Variants in LPO observed in about 807,000 individuals in gnomAD.
LPO encodes the protein salivary peroxidase.
In LPO, 70 loss-of-function variants were observed where a neutral mutation model predicts 68.4. That is an observed-to-expected ratio of 1.02 (90% CI 0.84 to 1.25). The LOEUF (loss-of-function observed/expected upper bound fraction) is 1.25, where lower values mean the gene tolerates loss of function less well. Ranked by LOEUF, LPO falls within the 50% of genes most tolerant of loss-of-function variation. LPO has a pLI of 0.00. For missense variants in LPO, 873 were observed against 908.4 expected, an observed-to-expected ratio of 0.96 and a Z score of 0.50; for synonymous variants, 360 against 357.6, an observed-to-expected ratio of 1.01 and a Z score of -0.08.
At chr17:58,247,916 C>T (rs8178320) in intron 4 of LPO, among the ~76,000 whole-genome samples, 3 of 152,164 alleles carry the variant, frequency 2.0e-5, no homozygotes, top group South Asian at 4.1e-4. Context: ...TGTATAACAC[C>T]GTCTGTAAGG....
chr17:58,260,069 T>A (rs1486096895), intron 9 of LPO, among the ~76,000 whole-genome samples: 2 of 152,238 alleles, frequency 1.3e-5, no homozygotes, highest in Non-Finnish European at 2.9e-5. Context: ...CACCTCAGCC[T>A]CCTGAAGTGC....
At chr17:58,262,696 T>C (rs8178390) in intron 9 of LPO, among the ~76,000 whole-genome samples, 12,287 of 152,280 alleles carry the variant, frequency 0.081, 498 homozygotes, top group Middle Eastern at 0.13. Flanking sequence ...CCCAGCCCTT[T>C]ACCATTACTT....
At chr17:58,250,297 C>T in intron 6 of LPO, 118 bp from the exon 7 acceptor site, 1 of 814,538 alleles carries the variant, frequency 1.2e-6, no homozygotes, top group South Asian at 1.5e-5. Context: ...CTCACAAACT[C>T]CTTGTAGGGA....
rs551224987 is a variant in LPO, at chr17:58,241,721, G to A, written c.-2-1257G>A. Among the ~76,000 whole-genome samples, 69 of 152,282 alleles carry A rather than the reference G, an allele frequency of 4.5e-4. 1 individual carries two copies. Among genetic ancestry groups the A allele is most frequent in the African/African-American group, 1.6e-3 (66 of 41,552 alleles). On this transcript the variant is annotated intron_variant, in intron 1 of 12. Transcript: ENST00000262290. ...ATTCATGCCTTGCCCCTTCTCTAGA[G>A]TTAGCTGGCAAAAAGTACAACAAGA...
At position 58,248,914 on chromosome 17, in the gene LPO, A is replaced by T. The variant is rs1256904636; in HGVS notation, c.326-146A>T. 1.8e-4 allele frequency: 130 copies of T among 717,320 alleles called. 5 individuals are homozygous for T. In the South Asian group the frequency reaches 2.0e-3, roughly 11 times the overall value. The allele number at this position is 717,320 out of a possible 1,614,324, so 44.4% of individuals were successfully genotyped here. A position where few individuals can be genotyped will look rare whatever the true frequency, so the allele number is the denominator to read the frequency against. On this transcript the variant is annotated intron_variant, in intron 4 of 12. Transcript: ENST00000262290. ...ATTACCTTAATGTGCTGTCAGATTA[A>T]TTGAGAAACCACTTGAGAAACGCTT...
intron 9 of LPO, among the ~76,000 whole-genome samples, chr17:58,259,183 C>T (rs747914250): frequency 1.3e-5 from 2 of 152,134 alleles, no homozygotes; most frequent in Non-Finnish European, 2.9e-5. Context: ...AGACTTTCTC[C>T]TGCTTTTTCC....
chr17:58,267,236 AG>A, intron 11 of LPO, 112 bp from the exon 12 acceptor site: 1 of 733,832 alleles, frequency 1.4e-6, no homozygotes, highest in Admixed American at 2.7e-5. Context: ...CCCATCCCAA[AG>A]GCTGTAAGCC....
intron 7 of LPO, 145 bp downstream of exon 7, chr17:58,250,766 C>A: frequency 1.3e-6 from 1 of 776,396 alleles, no homozygotes. Context: ...CATTCGTTCA[C>A]TCATCCGTTT....
At chr17:58,249,369 G>A (rs1969912646) in intron 5 of LPO, 192 bp downstream of exon 5, 1 of 954,002 alleles carries the variant, frequency 1.0e-6, no homozygotes, top group East Asian at 2.7e-5. Flanking sequence ...TGTGTCTCTG[G>A]AAGCGGCACC....
At chr17:58,239,089 G>T (rs891735686) in intron 1 of LPO, among the ~76,000 whole-genome samples, 1 of 151,934 alleles carries the variant, frequency 6.6e-6, no homozygotes, top group South Asian at 2.1e-4. Context: ...GGAATTTGGG[G>T]GAAAACAGTG....
In LPO at chr17:58,249,143, C is replaced by A; in HGVS notation, c.409C>A (p.Pro137Thr). Reference protein sequence around the residue: ...APVVRCDPCSPYRTITGDCNN... With the variant: ...APVVRCDPCSTYRTITGDCNN... ...CGTGGTGAGATGCGACCCGTGCAGC[C>A]CTTACCGCACCATTACGGGAGACTG... Residue 137 changes from proline (P) to threonine (T), a missense_variant, in exon 5 of 13, where the codon CCT becomes ACT. Physicochemically the swap from Pro to Thr is conservative, Grantham distance 38 (BLOSUM62 -1). Transcript: ENST00000262290. The A allele has an allele frequency of 6.2e-7, 1 of 1,614,194 alleles. No homozygotes were observed. The highest frequency in any genetic ancestry group is 8.5e-7 in the Non-Finnish European group (1 of 1,180,030).
chr17:58,241,967 T>C (rs1463886432), intron 1 of LPO, among the ~76,000 whole-genome samples: 2 of 152,092 alleles, frequency 1.3e-5, no homozygotes, highest in African/African-American at 4.8e-5. Flanking sequence ...TGGGGAGACA[T>C]GGCTGGGGGG....
At chr17:58,251,897 G>A in intron 7 of LPO, 2 of 683,872 alleles carry the variant, frequency 2.9e-6, no homozygotes, top group South Asian at 2.7e-5. Flanking sequence ...CTGCTTTCCT[G>A]TCCAGGGAGC....
At position 58,264,799 on chromosome 17, in the gene LPO, C is replaced by T; in HGVS notation, c.1344C>T (p.Tyr448=). 1 of 1,614,258 alleles carries T rather than the reference C, an allele frequency of 6.2e-7. No individual in the cohort carries two copies. Among genetic ancestry groups the T allele is most frequent in the South Asian group, 1.1e-5 (1 of 91,086 alleles). The change falls in exon 10 of 13, where the codon TAC becomes TAT. Residue 448 remains tyrosine (Y), a synonymous_variant. Transcript: ENST00000262290. Reference sequence around the variant, plus strand: ...AGTGGATACCCCCATATCAAGGCTACAGTGAATCTGTGGATCCCAGAATTT... The same window carrying T: ...AGTGGATACCCCCATATCAAGGCTATAGTGAATCTGTGGATCCCAGAATTT... ...MQKWIPPYQG[Y]SESVDPRISN...
Position 58,252,377 on chromosome 17 carries a change from C to A in LPO, c.976C>A (p.Pro326Thr), listed in dbSNP as rs1567819133. 1.9e-6 allele frequency: 3 copies of A among 1,614,072 alleles called. No individual in the cohort carries two copies. The highest frequency in any genetic ancestry group is 1.7e-6 in the Non-Finnish European group (2 of 1,180,052). The change falls in exon 8 of 13, where the codon CCC (proline) becomes ACC (threonine). Residue 326 changes from proline to threonine, a missense_variant. Physicochemically the swap from Pro to Thr is conservative, Grantham distance 38. Coordinates refer to ENST00000262290, the MANE Select transcript of LPO (RefSeq NM_006151.3). Reference sequence around the variant, plus strand: ...CAGCCGCCTCCGCAACCTCAGCAGCCCCCTGGGCCTCATGGCTGTCAACCA... The same window carrying A: ...CAGCCGCCTCCGCAACCTCAGCAGCACCCTGGGCCTCATGGCTGTCAACCA... ...LASRLRNLSS[P>T]LGLMAVNQEV... is the part of the protein sequence containing the mutation.
intron 1 of LPO, among the ~76,000 whole-genome samples, chr17:58,241,252 C>T (rs1396796105): frequency 2.7e-5 from 4 of 150,450 alleles, no homozygotes; most frequent in South Asian, 2.1e-4. Flanking sequence ...CTGGAATTGC[C>T]GGTGTCTGCC....
At chr17:58,239,335 T>G (rs1034959596) in intron 1 of LPO, among the ~76,000 whole-genome samples, 2 of 151,098 alleles carry the variant, frequency 1.3e-5, no homozygotes, top group African/African-American at 4.9e-5. Context: ...CTCAAGCAGG[T>G]GTGTGACCTG....
chr17:58,242,353 T>A (rs1969773951), intron 1 of LPO, among the ~76,000 whole-genome samples: 1 of 152,202 alleles, frequency 6.6e-6, no homozygotes, highest in Non-Finnish European at 1.5e-5. Context: ...GTCATAACTT[T>A]CTTTCAGTAT....
intron 9 of LPO, 38 bp downstream of exon 9, chr17:58,255,009 T>C: frequency 1.9e-6 from 3 of 1,603,498 alleles, no homozygotes; most frequent in Non-Finnish European, 2.6e-6. Context: ...TGGTCCCACC[T>C]GGCTCCCACT....
Sources: allele counts gnomAD v4.1 joint callset (sites outside exome capture counted in the v4.1 genomes callset), GRCh38; gene constraint gnomAD v4.1.1; transcripts MANE v1.5; gene names NCBI Gene and HGNC (gene_info 2026-07-23, HGNC 2026-07-21).